The following LRRC37A2 variants were observed in gnomAD, a reference collection of about 807,000 sequenced individuals.
LRRC37A2 encodes the protein leucine rich repeat containing 37 member A2.
Under a neutral mutation model 68.8 loss-of-function variants are expected in LRRC37A2, and 9 were observed. That is an observed-to-expected ratio of 0.13 (90% CI 0.08 to 0.23). LRRC37A2 has a LOEUF of 0.23. LRRC37A2 is among the 10% of genes least tolerant of loss of function. LRRC37A2 has a pLI of 1.00. For missense variants in LRRC37A2, 168 were observed against 950.4 expected (o/e 0.18, Z 10.82); for synonymous variants, 63 against 367.6 (o/e 0.17, Z 9.48).
the LRRC37A2 span, among the ~76,000 whole-genome samples, chr17:46,765,663 G>C: frequency 6.6e-6 from 1 of 152,222 alleles, no homozygotes; most frequent in African/African-American, 2.4e-5. Context: ...GCGGAGTCTC[G>C]GCCGAGCCTG....
the LRRC37A2 span, among the ~76,000 whole-genome samples, chr17:46,884,749 C>A: frequency 1.3e-5 from 2 of 152,132 alleles, no homozygotes; most frequent in African/African-American, 4.8e-5. Flanking sequence ...GACCACTTGC[C>A]TGAGGTCACA....
chr17:47,033,161 G>A, the LRRC37A2 span: 11 of 579,726 alleles, frequency 1.9e-5, no homozygotes, highest in Non-Finnish European at 3.0e-5. Context: ...AGTTTGCAGT[G>A]AGCCAAGATC....
At chr17:46,914,367 G>A in the LRRC37A2 span, among the ~76,000 whole-genome samples, 1 of 151,954 alleles carries the variant, frequency 6.6e-6, no homozygotes, top group Non-Finnish European at 1.5e-5. Flanking sequence ...ATCCTATTTC[G>A]GCTGGGCGCA....
At chr17:46,966,395 A>G in the LRRC37A2 span, 1 of 557,106 alleles carries the variant, frequency 1.8e-6, no homozygotes, top group Non-Finnish European at 3.2e-6. Flanking sequence ...AGGCCCTCAG[A>G]TACCTGGTCC....
At chr17:47,024,635 T>C in the LRRC37A2 span, 6 of 1,040,710 alleles carry the variant, frequency 5.8e-6, no homozygotes. Flanking sequence ...TAGCAAATAG[T>C]TGTAGTTTGC....
chr17:46,529,326 A>G (rs928026074), intron 6 of LRRC37A2, among the ~76,000 whole-genome samples: 7 of 95,790 alleles, frequency 7.3e-5, no homozygotes, highest in African/African-American at 2.4e-4. Flanking sequence ...TATTTAATAA[A>G]ATTATTTAGA....
chr17:46,888,342 T>C, the LRRC37A2 span, among the ~76,000 whole-genome samples: 1 of 152,126 alleles, frequency 6.6e-6, no homozygotes, highest in Non-Finnish European at 1.5e-5. Flanking sequence ...GGATTAAAAG[T>C]GTCCCCAGAA....
chr17:46,872,203 A>G, the LRRC37A2 span, among the ~76,000 whole-genome samples: 4 of 152,238 alleles, frequency 2.6e-5, no homozygotes, highest in South Asian at 2.1e-4. Context: ...ATTGCCCAGC[A>G]TGGATCCTGG....
the LRRC37A2 span, chr17:46,937,549 C>G: frequency 6.6e-6 from 1 of 152,192 alleles, no homozygotes; most frequent in Non-Finnish European, 1.5e-5. Context: ...AAGGCCCGGA[C>G]CATTTCACCT....
downstream of LRRC37A2, among the ~76,000 whole-genome samples, chr17:46,558,547 C>T (rs1345250432): frequency 2.3e-4 from 23 of 98,242 alleles, 3 homozygotes; most frequent in East Asian, 2.0e-3. Context: ...CCACCATGCC[C>T]GGCCAATTTT....
At chr17:46,761,431 A>C in the LRRC37A2 span, among the ~76,000 whole-genome samples, 3 of 150,646 alleles carry the variant, frequency 2.0e-5, no homozygotes, top group Non-Finnish European at 4.4e-5. Flanking sequence ...TCCCAGGTTC[A>C]AGTGATTCTC....
the LRRC37A2 span, among the ~76,000 whole-genome samples, chr17:46,853,573 T>C: frequency 6.6e-6 from 1 of 152,152 alleles, no homozygotes; most frequent in Non-Finnish European, 1.5e-5. Context: ...TGTTTCACCA[T>C]GTTGGCCAGG....
At chr17:46,822,271 C>A in the LRRC37A2 span, among the ~76,000 whole-genome samples, 1 of 152,310 alleles carries the variant, frequency 6.6e-6, no homozygotes, top group Non-Finnish European at 1.5e-5. Context: ...GGCTGGACAG[C>A]AGAGCCTGGA....
At chr17:46,945,713 T>G in the LRRC37A2 span, among the ~76,000 whole-genome samples, 1 of 152,116 alleles carries the variant, frequency 6.6e-6, no homozygotes, top group Admixed American at 6.5e-5. Flanking sequence ...ACTTCTGGCC[T>G]CCTCTAAGAG....
chr17:46,455,753 AG>A, the LRRC37A2 span, among the ~76,000 whole-genome samples: 12 of 149,402 alleles, frequency 8.0e-5, no homozygotes, highest in African/African-American at 3.0e-4. Context: ...ATTATTTCAC[AG>A]AGTGCTTTTT....
the LRRC37A2 span, among the ~76,000 whole-genome samples, chr17:46,797,229 G>A: frequency 6.6e-6 from 1 of 152,172 alleles, no homozygotes; most frequent in Non-Finnish European, 1.5e-5. Flanking sequence ...ATTATGTGGG[G>A]CTGATGTTAT....
the LRRC37A2 span, chr17:46,966,398 C>T: frequency 1.8e-6 from 1 of 561,910 alleles, no homozygotes; most frequent in South Asian, 2.3e-5. Flanking sequence ...CCCTCAGATA[C>T]CTGGTCCTTG....
chr17:46,797,371 A>C, the LRRC37A2 span, among the ~76,000 whole-genome samples: 26 of 152,296 alleles, frequency 1.7e-4, no homozygotes, highest in South Asian at 8.3e-4. Context: ...CTGGGTTTTG[A>C]AAAATCCTGG....
chr17:47,027,526 C>A, the LRRC37A2 span: 1 of 1,036,104 alleles, frequency 9.7e-7, no homozygotes, highest in South Asian at 1.3e-5. Flanking sequence ...AATAACTAAT[C>A]AAGGCAATAT....
Sources: allele counts gnomAD v4.1 joint callset (sites outside exome capture counted in the v4.1 genomes callset), GRCh38; gene constraint gnomAD v4.1.1; transcripts MANE v1.5; gene names NCBI Gene and HGNC (gene_info 2026-07-23, HGNC 2026-07-21).